RBBP8NL: variants seen among roughly 807,000 people sequenced by gnomAD.
RBBP8NL encodes RBBP8 N-terminal like, also known as RBBP8 N-terminal-like protein.
Under a neutral mutation model 62.2 loss-of-function variants are expected in RBBP8NL, and 59 were observed. That is an observed-to-expected ratio of 0.95 (90% CI 0.77 to 1.18). The LOEUF (loss-of-function observed/expected upper bound fraction) is 1.18. RBBP8NL is among the 50% of genes most tolerant of loss of function. The pLI is 0.00. For synonymous variants in RBBP8NL, 412 were observed against 394.1 expected, an observed-to-expected ratio of 1.05 and a Z score of -0.54; for missense variants, 896 against 899.5, an observed-to-expected ratio of 1.00 and a Z score of 0.05.
intron 6 of RBBP8NL, 88 bp downstream of exon 6, chr20:62,416,076 G>T: frequency 6.7e-7 from 1 of 1,486,518 alleles, no homozygotes; most frequent in Non-Finnish European, 9.2e-7. Flanking sequence ...GTCCTCCATG[G>T]GCGGTTCCCC....
intron 1 of RBBP8NL, among the ~76,000 whole-genome samples, chr20:62,420,525 C>A (rs1385857176): frequency 6.6e-6 from 1 of 152,146 alleles, no homozygotes; most frequent in South Asian, 2.1e-4. Flanking sequence ...CAGGCACACA[C>A]CCAGAGTTAC....
At chr20:62,418,223 G>A (rs1164483187) in intron 3 of RBBP8NL, among the ~76,000 whole-genome samples, 200 bp downstream of exon 3, 4 of 152,194 alleles carry the variant, frequency 2.6e-5, no homozygotes, top group African/African-American at 7.2e-5. Flanking sequence ...CTGGGAGGCC[G>A]ACGCAACTGG....
In RBBP8NL at chr20:62,413,835, C is replaced by A; in HGVS notation, c.1516G>T (p.Ala506Ser). The A allele has an allele frequency of 6.3e-7, 1 of 1,596,648 alleles. No individual in the cohort carries two copies. Among genetic ancestry groups the A allele is most frequent in the Non-Finnish European group, 8.5e-7 (1 of 1,173,016 alleles). ...KGTRVPEQEE[A>S]STPMDPSRPL... ...GGGCTCCTTACCATGGGAGTGGAAGCCTCCTCCTGCTCTGGCACTCTGGTC... is the reference window on the plus strand; with the variant it reads ...GGGCTCCTTACCATGGGAGTGGAAGACTCCTCCTGCTCTGGCACTCTGGTC... Residue 506 changes from alanine to serine, a missense_variant, in exon 10 of 14, where the codon GCT (alanine) becomes TCT (serine). Transcript: ENST00000252998.
chr20:62,414,652 A>G, intron 9 of RBBP8NL, 96 bp from the exon 10 acceptor site: 1 of 1,342,340 alleles, frequency 7.4e-7, no homozygotes, highest in Non-Finnish European at 9.7e-7. Flanking sequence ...CCCACTCCAC[A>G]GGCGAGGAAA....
chr20:62,425,131 A>C (rs1050137775), intron 1 of RBBP8NL, among the ~76,000 whole-genome samples: 3 of 152,086 alleles, frequency 2.0e-5, no homozygotes, highest in Non-Finnish European at 4.4e-5. Flanking sequence ...GAAGCTCCTC[A>C]CAGGTAATGC....
intron 4 of RBBP8NL, 101 bp from the exon 5 acceptor site, chr20:62,416,973 G>T: frequency 1.0e-6 from 1 of 955,876 alleles, no homozygotes; most frequent in Non-Finnish European, 1.6e-6. Flanking sequence ...CCTGCCCTTT[G>T]CAAACTATTC....
intron 1 of RBBP8NL, among the ~76,000 whole-genome samples, chr20:62,424,364 C>T (rs1166491370): frequency 1.3e-5 from 2 of 152,124 alleles, no homozygotes; most frequent in Admixed American, 6.5e-5. Flanking sequence ...CATGCCTTGC[C>T]CTCTGCTCCA....
intron 1 of RBBP8NL, among the ~76,000 whole-genome samples, chr20:62,423,812 C>T (rs904097819): frequency 2.0e-5 from 3 of 152,128 alleles, no homozygotes; most frequent in Non-Finnish European, 4.4e-5. Flanking sequence ...AGTTGCAAGC[C>T]TTGGTGCTTT....
chr20:62,412,814 T>G lies in RBBP8NL; in HGVS notation c.1746+16A>C. The G allele has an allele frequency of 2.5e-6, 4 of 1,613,368 alleles. No individual in the cohort carries two copies. The highest frequency in any genetic ancestry group is 2.5e-6 in the Non-Finnish European group (3 of 1,179,988). ...CCTCCTGGCCCTGCCCTGCTGAGTGTGTGGCCTGGACCCACCTCGCTGCCT... is the reference window on the plus strand; with the variant it reads ...CCTCCTGGCCCTGCCCTGCTGAGTGGGTGGCCTGGACCCACCTCGCTGCCT... On this transcript the variant is annotated intron_variant, in intron 12 of 13. Coordinates refer to ENST00000252998, the MANE Select transcript of RBBP8NL (RefSeq NM_080833.3).
intron 1 of RBBP8NL, among the ~76,000 whole-genome samples, chr20:62,426,701 A>G (rs1317817239): frequency 6.6e-6 from 1 of 152,204 alleles, no homozygotes; most frequent in Non-Finnish European, 1.5e-5. Flanking sequence ...GCCCTGACCC[A>G]GGCTCCTGTG....
rs1412150045 is a variant in RBBP8NL at position 62,412,438 on chromosome 20, A to G, written c.1876+186T>C. 2.0e-5 allele frequency among the ~76,000 whole-genome samples: 3 copies of G among 152,056 alleles called. No individual in the cohort carries two copies. The South Asian group carries it at 6.2e-4, about 32-fold the overall frequency. ...CACAGTCAGAGGCTGCACAGGAAGG[A>G]CTCACTCCGGCCACCCTCGCCCTCC... is the stretch of plus-strand genomic sequence containing the variant. On this transcript the variant is annotated intron_variant, in intron 13 of 13. Transcript: ENST00000252998.
intron 8 of RBBP8NL, 118 bp downstream of exon 8, chr20:62,415,460 A>T: frequency 7.2e-7 from 1 of 1,386,392 alleles, no homozygotes; most frequent in Non-Finnish European, 1.0e-6. Context: ...GGGACAAAGG[A>T]GGGGCACATT....
intron 1 of RBBP8NL, among the ~76,000 whole-genome samples, chr20:62,427,064 C>A (rs1245862796): frequency 6.6e-6 from 1 of 152,238 alleles, no homozygotes; most frequent in Admixed American, 6.5e-5. Context: ...GCACCACCCT[C>A]ACCCCTGTGG....
chr20:62,416,372 G>A (rs796290912), intron 5 of RBBP8NL, 136 bp from the exon 6 acceptor site: 11 of 759,244 alleles, frequency 1.4e-5, no homozygotes, highest in African/African-American at 5.1e-5. Context: ...CAGCAGGGGC[G>A]CCGTGGATGC....
At chr20:62,418,528 C>G in intron 2 of RBBP8NL, 63 bp from the exon 3 acceptor site, 1 of 1,461,006 alleles carries the variant, frequency 6.8e-7, no homozygotes. Context: ...TCAGTGTCCC[C>G]ACCACGGGGT....
At chr20:62,424,381 C>T (rs993863824) in intron 1 of RBBP8NL, among the ~76,000 whole-genome samples, 5 of 152,166 alleles carry the variant, frequency 3.3e-5, no homozygotes, top group East Asian at 1.9e-4. Flanking sequence ...TCCATTTTGC[C>T]ACTGAGAACA....
At chr20:62,411,377 C>T (rs117030345) in intron 13 of RBBP8NL, among the ~76,000 whole-genome samples, 2,275 of 152,308 alleles carry the variant, frequency 0.015, 25 homozygotes, top group Non-Finnish European at 0.022. Context: ...TGCGATGGTC[C>T]GGGGACGGGG....
At chr20:62,426,924 C>G (rs942153260) in intron 1 of RBBP8NL, among the ~76,000 whole-genome samples, 5 of 152,234 alleles carry the variant, frequency 3.3e-5, no homozygotes, top group Middle Eastern at 3.2e-3. Context: ...CCTGCCCTGC[C>G]GGCTGGCTCC....
In RBBP8NL at chr20:62,411,083, C is replaced by T. The variant is rs926546748; in HGVS notation, c.1877-87G>A. On this transcript the variant is annotated intron_variant, in intron 13 of 13. Coordinates refer to ENST00000252998, the MANE Select transcript of RBBP8NL (RefSeq NM_080833.3). The stretch of plus-strand genomic sequence containing the variant: ...TCTCACCTAGGGCCTCCTGGGTCTC[C>T]TCTGGGCACGGGGAGCTGGGTGCTT... The T allele has an allele frequency of 7.1e-6, 6 of 840,372 alleles. No homozygotes were observed. The Admixed American group carries it at 8.5e-5, about 12-fold the overall frequency. 52.1% of individuals were successfully genotyped at this position (840,372 alleles called of 1,614,324 possible). A position where few individuals can be genotyped will look rare whatever the true frequency, so the allele number is the denominator to read the frequency against.
Sources: allele counts gnomAD v4.1 joint callset (sites outside exome capture counted in the v4.1 genomes callset), GRCh38; gene constraint gnomAD v4.1.1; transcripts MANE v1.5; gene names NCBI Gene and HGNC (gene_info 2026-07-23, HGNC 2026-07-21).